Variants in SLCO1C1 observed in about 807,000 individuals in gnomAD.
SLCO1C1 encodes the protein solute carrier organic anion transporter family member 1C1.
A neutral mutation model predicts 76.4 loss-of-function variants in SLCO1C1; 70 were observed. The ratio of observed to expected loss-of-function variants is 0.92; its 90% CI spans 0.76 to 1.12. SLCO1C1 has a LOEUF of 1.12. SLCO1C1 is among the 50% of genes most tolerant of loss of function. The pLI is 0.00. For missense variants in SLCO1C1, 912 were observed against 823.8 expected (o/e 1.11, Z -1.31); for synonymous variants, 306 against 286.1 (o/e 1.07, Z -0.70).
chr12:20,715,083 ATACT>A lies in SLCO1C1; in HGVS notation c.530-53_530-50del, dbSNP rs893281896. Reference sequence around the variant, plus strand: ...GATATACGGTAGAAATGCAGAATAAATACTTAACTTTTAAAGTGATCTATTTTCA... The same window carrying A: ...GATATACGGTAGAAATGCAGAATAAATAACTTTTAAAGTGATCTATTTTCA... On this transcript the variant is annotated intron_variant, in intron 5 of 14. Coordinates refer to ENST00000266509, the MANE Select transcript of SLCO1C1 (RefSeq NM_017435.5). 17 of 1,601,958 alleles carry A rather than the reference ATACT, an allele frequency of 1.1e-5. No individual in the cohort carries two copies. The African/African-American group carries it at 2.3e-4, about 21-fold the overall frequency.
intron 1 of SLCO1C1, 80 bp downstream of exon 1, chr12:20,695,887 C>G (rs891349870): frequency 6.6e-6 from 1 of 151,840 alleles, no homozygotes; most frequent in African/African-American, 2.4e-5. Context: ...AATTTCTGTG[C>G]GATTTATGTT....
chr12:20,750,928 G>A, intron 14 of SLCO1C1, 136 bp downstream of exon 14: 1 of 1,507,974 alleles, frequency 6.6e-7, no homozygotes, highest in South Asian at 1.2e-5. Context: ...AGTGTGATCT[G>A]TAGTCATAGA....
chr12:20,710,199 TC>T (rs372176424), intron 4 of SLCO1C1, among the ~76,000 whole-genome samples: 2,475 of 129,820 alleles, frequency 0.019, 173 homozygotes, highest in African/African-American at 0.041. Flanking sequence ...TCTCTACTTT[TC>T]TTTTTTTTTT....
chr12:20,718,382 C>A (rs573340760), intron 7 of SLCO1C1, among the ~76,000 whole-genome samples: 8 of 152,220 alleles, frequency 5.3e-5, no homozygotes, highest in Admixed American at 2.0e-4. Context: ...GAAAACAACA[C>A]CCACTTGGTT....
In SLCO1C1 at chr12:20,745,984, C is replaced by T. The variant is rs181064208; in HGVS notation, c.1798+2615C>T. On this transcript the variant is annotated intron_variant, in intron 13 of 14. Coordinates refer to ENST00000266509, the MANE Select transcript of SLCO1C1 (RefSeq NM_017435.5). The stretch of plus-strand genomic sequence containing the variant: ...TGAAACCCAGAAGAAATGAACACCA[C>T]GACACTTAATCTGTGATATCTAAAT... Among the ~76,000 whole-genome samples the T allele has an allele frequency of 5.3e-5, 8 of 152,210 alleles. No homozygotes were observed. The South Asian group carries it at 6.2e-4, about 12-fold the overall frequency.
chr12:20,702,827 T>C (rs10770704), intron 3 of SLCO1C1, among the ~76,000 whole-genome samples: 76,087 of 151,536 alleles, frequency 0.5, 20,609 homozygotes, highest in East Asian at 0.74. Flanking sequence ...TATATCATGA[T>C]GTTTTGATGT....
intron 9 of SLCO1C1, among the ~76,000 whole-genome samples, chr12:20,728,498 A>G (rs1948128592): frequency 6.6e-6 from 1 of 151,622 alleles, no homozygotes; most frequent in South Asian, 2.1e-4. Flanking sequence ...ATCAACTATC[A>G]TTTATGACAA....
chr12:20,751,418 A>C (rs147147416), intron 14 of SLCO1C1, among the ~76,000 whole-genome samples: 1 of 96,912 alleles, frequency 1.0e-5, no homozygotes, highest in African/African-American at 2.9e-5. Context: ...AAAGCATTGA[A>C]GCAATGGCTT....
intron 3 of SLCO1C1, among the ~76,000 whole-genome samples, chr12:20,702,670 C>T (rs1020278852): frequency 9.2e-5 from 14 of 151,728 alleles, no homozygotes; most frequent in African/African-American, 2.4e-4. Flanking sequence ...TCCTTGAGCC[C>T]TGTTCTACTG....
chr12:20,743,980 A>T (rs1948931923), intron 13 of SLCO1C1, among the ~76,000 whole-genome samples: 1 of 152,010 alleles, frequency 6.6e-6, no homozygotes, highest in African/African-American at 2.4e-5. Flanking sequence ...ATTAAAAAAT[A>T]AAATAATTTT....
At chr12:20,718,883 C>T (rs1185373205) in intron 7 of SLCO1C1, among the ~76,000 whole-genome samples, 1 of 151,990 alleles carries the variant, frequency 6.6e-6, no homozygotes, top group Non-Finnish European at 1.5e-5. Flanking sequence ...CTCCAAAATG[C>T]ACTCTCTTTC....
intron 1 of SLCO1C1, among the ~76,000 whole-genome samples, chr12:20,698,278 TTC>T: frequency 7.2e-6 from 1 of 139,602 alleles, no homozygotes; most frequent in South Asian, 2.1e-4. Flanking sequence ...TCACTCACTC[TTC>T]TTTTTCAATT....
intron 2 of SLCO1C1, among the ~76,000 whole-genome samples, chr12:20,700,640 T>C (rs542206994): frequency 6.6e-6 from 1 of 151,904 alleles, no homozygotes; most frequent in African/African-American, 2.4e-5. Context: ...AAGGGATGCT[T>C]TGTGTGCTCC....
At chr12:20,750,301 C>A (rs972505) in intron 13 of SLCO1C1, among the ~76,000 whole-genome samples, 69,547 of 151,808 alleles carry the variant, frequency 0.46, 17,775 homozygotes, top group South Asian at 0.63. Context: ...AGTATGATTC[C>A]GGGACAGATT....
At chr12:20,718,726 T>A (rs1160024368) in intron 7 of SLCO1C1, among the ~76,000 whole-genome samples, 1 of 151,930 alleles carries the variant, frequency 6.6e-6, no homozygotes, top group Non-Finnish European at 1.5e-5. Flanking sequence ...CCACATGAGG[T>A]TTTGAGCCTT....
chr12:20,734,610 C>A lies in SLCO1C1; in HGVS notation c.1382+1506C>A, dbSNP rs1208668505. 2.6e-5 allele frequency among the ~76,000 whole-genome samples: 4 copies of A among 152,294 alleles called. No individual in the cohort carries two copies. In the East Asian group the frequency reaches 7.7e-4, roughly 29 times the overall value. ...AAACTGCATGGATCTGGGGTTTGAA[C>A]ACAGGCGTGACTCAAAGTAGAACAT... On this transcript the variant is annotated intron_variant, in intron 10 of 14. Transcript: ENST00000266509.
intron 12 of SLCO1C1, among the ~76,000 whole-genome samples, chr12:20,740,839 GC>G (rs1948785576): frequency 1.3e-5 from 1 of 76,648 alleles, no homozygotes; most frequent in Non-Finnish European, 2.7e-5. Context: ...GTATATTTTT[GC>G]CATGACTGGA....
intron 9 of SLCO1C1, among the ~76,000 whole-genome samples, chr12:20,727,635 G>C (rs1948082112): frequency 1.3e-5 from 2 of 152,208 alleles, no homozygotes; most frequent in South Asian, 4.2e-4. Context: ...TCAGCTTCCC[G>C]AGTAGCTGGG....
chr12:20,701,415 TC>T lies in SLCO1C1; in HGVS notation c.230del (p.Pro77LeufsTer18). 1 of 1,554,854 alleles carries T rather than the reference TC, an allele frequency of 6.4e-7. No individual in the cohort carries two copies. Among genetic ancestry groups the T allele is most frequent in the Non-Finnish European group, 8.8e-7 (1 of 1,136,910 alleles). Reference protein sequence around the residue: ...TITQIERRFDIPSSLVGVIDG... With the variant: ...TITQIERRFDXPSSLVGVIDG... ...ACTCAGATAGAGAGAAGGTTTGATA[TC>T]CCTTCTTCACTGGTGGGAGTTATTG... On this transcript the variant is annotated frameshift_variant, in exon 3 of 15. Transcript: ENST00000266509. LOFTEE classifies it high-confidence loss of function.
Sources: allele counts gnomAD v4.1 joint callset (sites outside exome capture counted in the v4.1 genomes callset), GRCh38; gene constraint gnomAD v4.1.1; transcripts MANE v1.5; gene names NCBI Gene and HGNC (gene_info 2026-07-23, HGNC 2026-07-21).